Variants in DNER observed in about 807,000 individuals in gnomAD.
DNER encodes the protein delta and Notch-like epidermal growth factor-related receptor.
Under a neutral mutation model 78.2 loss-of-function variants are expected in DNER, and 33 were observed. That is an observed-to-expected ratio of 0.42 (90% confidence interval 0.32 to 0.56). The LOEUF (loss-of-function observed/expected upper bound fraction) is 0.56, where lower values mean the gene tolerates loss of function less well. Ranked by LOEUF, DNER falls within the 20% of genes least tolerant of loss-of-function variation. The probability of loss-of-function intolerance (pLI) is 0.11; values close to 1 mark genes in which losing one functional copy is unlikely to be tolerated. For synonymous variants in DNER, 417 were observed against 384.8 expected, an observed-to-expected ratio of 1.08 and a Z score of -0.98; for missense variants, 918 against 975.3, an observed-to-expected ratio of 0.94 and a Z score of 0.78.
intron 5 of DNER, among the ~76,000 whole-genome samples, chr2:229,522,350 G>A (rs981921616): frequency 1.3e-5 from 2 of 152,190 alleles, no homozygotes; most frequent in Non-Finnish European, 2.9e-5. Flanking sequence ...TCTTGGAGTG[G>A]TTATAATTAG....
At chr2:229,415,202 G>A (rs905504075) in intron 9 of DNER, among the ~76,000 whole-genome samples, 3 of 152,090 alleles carry the variant, frequency 2.0e-5, no homozygotes, top group Admixed American at 1.3e-4. Context: ...GTTCAAGACT[G>A]GAAGCAGTGG....
chr2:229,473,637 C>T (rs2154211228), intron 7 of DNER, among the ~76,000 whole-genome samples: 1 of 152,292 alleles, frequency 6.6e-6, no homozygotes, highest in African/African-American at 2.4e-5. Flanking sequence ...ATCCCTCCTG[C>T]TAACATAAAA....
intron 1 of DNER, among the ~76,000 whole-genome samples, chr2:229,685,296 G>T (rs1042508130): frequency 4.4e-5 from 5 of 113,106 alleles, no homozygotes; most frequent in Non-Finnish European, 9.1e-5. Context: ...TACTTCACAG[G>T]ATCAGTCATC....
At chr2:229,429,326 G>C (rs1249075312) in intron 8 of DNER, among the ~76,000 whole-genome samples, 1 of 152,224 alleles carries the variant, frequency 6.6e-6, no homozygotes, top group Non-Finnish European at 1.5e-5. Context: ...CAGGCATACA[G>C]TTGCAGCTCA....
intron 1 of DNER, among the ~76,000 whole-genome samples, chr2:229,648,916 C>T (rs1698765365): frequency 6.6e-6 from 1 of 152,228 alleles, no homozygotes. Flanking sequence ...GCAAACTCTT[C>T]CTCTATTGAA....
intron 10 of DNER, among the ~76,000 whole-genome samples, chr2:229,395,760 C>G (rs1693123725): frequency 6.6e-6 from 1 of 152,036 alleles, no homozygotes; most frequent in South Asian, 2.1e-4. Flanking sequence ...ATTAGCTGGG[C>G]GTGGTGGCAC....
intron 1 of DNER, among the ~76,000 whole-genome samples, chr2:229,708,566 C>G (rs937619199): frequency 2.0e-5 from 3 of 152,222 alleles, no homozygotes; most frequent in African/African-American, 7.2e-5. Context: ...CTGACCACAG[C>G]TGCCTACTGA....
At chr2:229,409,863 C>G (rs1048566459) in intron 9 of DNER, among the ~76,000 whole-genome samples, 2 of 152,110 alleles carry the variant, frequency 1.3e-5, no homozygotes, top group Non-Finnish European at 2.9e-5. Context: ...TTGCTAATCC[C>G]TATATAAAAT....
chr2:229,689,802 G>T (rs1459623954), intron 1 of DNER, among the ~76,000 whole-genome samples: 1 of 152,202 alleles, frequency 6.6e-6, no homozygotes, highest in South Asian at 2.1e-4. Context: ...TCATAGAGCT[G>T]ACATAATTAA....
chr2:229,529,784 A>G (rs1696268181), intron 5 of DNER, among the ~76,000 whole-genome samples: 1 of 152,206 alleles, frequency 6.6e-6, no homozygotes, highest in Non-Finnish European at 1.5e-5. Context: ...AAGGCAGAAG[A>G]ATTCCTCGAG....
At chr2:229,597,515 A>T (rs1697744270) in intron 1 of DNER, among the ~76,000 whole-genome samples, 1 of 152,246 alleles carries the variant, frequency 6.6e-6, no homozygotes, top group African/African-American at 2.4e-5. Context: ...AGCAGGTAAT[A>T]ACCAAACTGC....
chr2:229,515,867 C>T (rs2154212406), intron 5 of DNER, among the ~76,000 whole-genome samples: 1 of 152,248 alleles, frequency 6.6e-6, no homozygotes, highest in Middle Eastern at 3.4e-3. Flanking sequence ...TCTCGAACTC[C>T]TGACCTCAGG....
Position 229,358,497 on chromosome 2 carries a change from G to A in DNER, c.*43C>T. 7.2e-7 allele frequency: 1 copy of A among 1,384,126 alleles called. No individual in the cohort carries two copies. The highest frequency in any genetic ancestry group is 9.9e-7 in the Non-Finnish European group (1 of 1,015,190). 85.7% of individuals were successfully genotyped at this position (1,384,126 alleles called of 1,614,324 possible). The stretch of plus-strand genomic sequence containing the variant: ...TTTATTTTCTTAAAAATATTTAAAT[G>A]AGTGTAGTATCTCATCTTTTTGAAA... On this transcript the variant is annotated 3_prime_UTR_variant, in exon 13 of 13. Transcript: ENST00000341772.
intron 1 of DNER, among the ~76,000 whole-genome samples, chr2:229,604,635 G>C (rs115112068): frequency 1.1e-3 from 170 of 152,274 alleles, no homozygotes; most frequent in African/African-American, 4.0e-3. Flanking sequence ...GCTTTGATGT[G>C]TGTTTTTCTC....
chr2:229,534,731 T>C (rs1041084840), intron 5 of DNER, among the ~76,000 whole-genome samples: 1 of 152,240 alleles, frequency 6.6e-6, no homozygotes, highest in African/African-American at 2.4e-5. Context: ...GTCTTCTATA[T>C]TGTTTTGTTT....
At chr2:229,374,629 C>CT (rs1212614561) in intron 11 of DNER, among the ~76,000 whole-genome samples, 1 of 152,128 alleles carries the variant, frequency 6.6e-6, no homozygotes, top group East Asian at 1.9e-4. Flanking sequence ...AACTGAGACT[C>CT]TAAGAGGAAA....
At chr2:229,373,052 AT>A (rs1045131259) in intron 11 of DNER, among the ~76,000 whole-genome samples, 1 of 152,234 alleles carries the variant, frequency 6.6e-6, no homozygotes, top group African/African-American at 2.4e-5. Context: ...GAAAGAACAT[AT>A]AACTAAATCC....
At chr2:229,566,168 T>C (rs988519844) in intron 4 of DNER, among the ~76,000 whole-genome samples, 1 of 152,210 alleles carries the variant, frequency 6.6e-6, no homozygotes, top group Non-Finnish European at 1.5e-5. Flanking sequence ...GGTCTTCAGA[T>C]GAGCTAACGT....
At chr2:229,640,388 G>A (rs1698596345) in intron 1 of DNER, among the ~76,000 whole-genome samples, 1 of 151,740 alleles carries the variant, frequency 6.6e-6, no homozygotes, top group Non-Finnish European at 1.5e-5. Flanking sequence ...TGAATAGTGA[G>A]CAAAACATTA....
Sources: allele counts gnomAD v4.1 joint callset (sites outside exome capture counted in the v4.1 genomes callset), GRCh38; gene constraint gnomAD v4.1.1; transcripts MANE v1.5; gene names NCBI Gene and HGNC (gene_info 2026-07-23, HGNC 2026-07-21).